The following MMEL1 variants were observed in gnomAD, a reference collection of about 807,000 sequenced individuals.
The protein encoded by MMEL1 is membrane metalloendopeptidase like 1, also known as membrane metallo-endopeptidase-like 1.
In MMEL1, 98 loss-of-function variants were observed where a neutral mutation model predicts 117.1. The observed-to-expected ratio is 0.84, with a 90% CI of 0.71 to 0.99. MMEL1 has a LOEUF of 0.99. Ranked by LOEUF, MMEL1 falls within the 50% of genes least tolerant of loss-of-function variation. The probability of loss-of-function intolerance (pLI) is 0.00; values close to 1 mark genes in which losing one functional copy is unlikely to be tolerated. For missense variants in MMEL1, 1,014 were observed against 1,049.1 expected (o/e 0.97, Z 0.46); for synonymous variants, 390 against 415.1 (o/e 0.94, Z 0.74).
intron 11 of MMEL1, among the ~76,000 whole-genome samples, chr1:2,601,111 T>G (rs576063514): frequency 1.3e-5 from 2 of 152,302 alleles, no homozygotes; most frequent in African/African-American, 4.8e-5. Context: ...GAAGGCAGAT[T>G]TTAAGTTTTA....
At chr1:2,632,744 T>C (rs6698817) in intron 1 of MMEL1, 122 bp downstream of exon 1, 368,350 of 569,116 alleles carry the variant, frequency 0.65, 120,723 homozygotes, top group Middle Eastern at 0.69. Flanking sequence ...CAGGACGCCC[T>C]GCCCAGCCTC....
chr1:2,602,866 AGCT>A (rs576873137), intron 11 of MMEL1, among the ~76,000 whole-genome samples: 2,348 of 152,246 alleles, frequency 0.015, 54 homozygotes, highest in African/African-American at 0.053. Context: ...GTCCTGGCTG[AGCT>A]CATCCTGCCC....
At position 2,592,028 on chromosome 1, in the gene MMEL1, C is replaced by T. The variant is rs907269041; in HGVS notation, c.2068-1G>A. The T allele has an allele frequency of 1.2e-6, 2 of 1,612,288 alleles. No individual in the cohort carries two copies. Among genetic ancestry groups the T allele is most frequent in the African/African-American group, 2.7e-5 (2 of 75,010 alleles). ...CCTCTGCCATCCACTTGAGGTAGGCCTGCAGGCACCAGACAGGAGCTGAGC... is the reference window on the plus strand; with the variant it reads ...CCTCTGCCATCCACTTGAGGTAGGCTTGCAGGCACCAGACAGGAGCTGAGC... On this transcript the variant is annotated splice_acceptor_variant, in intron 21 of 23. Coordinates refer to ENST00000378412, the MANE Select transcript of MMEL1 (RefSeq NM_033467.4). LOFTEE classifies it high-confidence loss of function.
intron 2 of MMEL1, among the ~76,000 whole-genome samples, chr1:2,623,159 C>A (rs1645316280): frequency 6.6e-6 from 1 of 150,884 alleles, no homozygotes; most frequent in Non-Finnish European, 1.5e-5. Flanking sequence ...CAGAGTGACT[C>A]CGTCTAAAAA....
Position 2,590,931 on chromosome 1 carries a change from C to A in MMEL1, c.*59G>T. The A allele has an allele frequency of 7.5e-7, 1 of 1,337,150 alleles. No homozygotes were observed. The highest frequency in any genetic ancestry group is 9.9e-7 in the Non-Finnish European group (1 of 1,013,818). 82.8% of individuals were successfully genotyped at this position (1,337,150 alleles called of 1,614,324 possible). ...ACTGGGTCGCCGCTAGCTGCACCTT[C>A]GCACAGATGCCTCCGAGCAGCGGGT... On this transcript the variant is annotated 3_prime_UTR_variant, in exon 24 of 24. Coordinates refer to ENST00000378412, the MANE Select transcript of MMEL1 (RefSeq NM_033467.4).
chr1:2,621,475 C>T (rs573084365), intron 2 of MMEL1, among the ~76,000 whole-genome samples: 1 of 152,322 alleles, frequency 6.6e-6, no homozygotes, highest in South Asian at 2.1e-4. Flanking sequence ...TAGATAAACT[C>T]TTCCAGCCAA....
chr1:2,613,433 C>A (rs1477660011), intron 2 of MMEL1, among the ~76,000 whole-genome samples: 1 of 152,106 alleles, frequency 6.6e-6, no homozygotes, highest in Non-Finnish European at 1.5e-5. Context: ...CACCTCTGAC[C>A]AAAGTGGTGA....
rs1366192602 is a variant in MMEL1 at position 2,606,860 on chromosome 1, G to A, written c.631+114C>T. ...GTTGGGCCTCTTGGGGCTCCTGAGA[G>A]CAGCCAGCTGGGGGTGGGGGTGGGG... On this transcript the variant is annotated intron_variant, in intron 7 of 23. Coordinates refer to ENST00000378412, the MANE Select transcript of MMEL1 (RefSeq NM_033467.4). The A allele has an allele frequency of 4.1e-6, 4 of 972,678 alleles. No homozygotes were observed. The Admixed American group carries it at 5.7e-5, about 14-fold the overall frequency. 60.3% of individuals were successfully genotyped at this position (972,678 alleles called of 1,614,324 possible). A position where few individuals can be genotyped will look rare whatever the true frequency, so the allele number is the denominator to read the frequency against.
At chr1:2,597,027 G>A (rs1309500559) in intron 13 of MMEL1, among the ~76,000 whole-genome samples, 2 of 152,020 alleles carry the variant, frequency 1.3e-5, no homozygotes, top group African/African-American at 2.4e-5. Flanking sequence ...CAGGGCTGGC[G>A]CTGACCCCAG....
Position 2,624,938 on chromosome 1 carries a change from G to C in MMEL1, c.154+4393C>G, listed in dbSNP as rs1339568911. Among the ~76,000 whole-genome samples the C allele has an allele frequency of 2.6e-5, 4 of 152,204 alleles. No individual in the cohort carries two copies. The South Asian group carries it at 6.2e-4, about 24-fold the overall frequency. ...ACCATGGTGGAGCAGGGGAGAGAGA[G>C]AGCGCGAAGGGGGAGGAGCTGCACA... On this transcript the variant is annotated intron_variant, in intron 2 of 23. Transcript: ENST00000378412.
At position 2,592,096 on chromosome 1, in the gene MMEL1, G is replaced by A. The variant is rs952321094; in HGVS notation, c.2068-69C>T. 1.5e-5 allele frequency: 20 copies of A among 1,325,320 alleles called. No individual in the cohort carries two copies. In the African/African-American group the frequency reaches 2.3e-4, roughly 15 times the overall value. The allele number at this position is 1,325,320 out of a possible 1,614,324, so 82.1% of individuals were successfully genotyped here. A position where few individuals can be genotyped will look rare whatever the true frequency, so the allele number is the denominator to read the frequency against. ...GACTCCAGAACCCTCAGATCTCAGGGCAGAGCAGAGGTCTGGCTCCAGGAC... is the reference window on the plus strand; with the variant it reads ...GACTCCAGAACCCTCAGATCTCAGGACAGAGCAGAGGTCTGGCTCCAGGAC... On this transcript the variant is annotated intron_variant, in intron 21 of 23. Coordinates refer to ENST00000378412, the MANE Select transcript of MMEL1 (RefSeq NM_033467.4).
intron 2 of MMEL1, among the ~76,000 whole-genome samples, chr1:2,614,993 C>G (rs1181929003): frequency 6.6e-6 from 1 of 152,010 alleles, no homozygotes; most frequent in Non-Finnish European, 1.5e-5. Context: ...AGAGTTAGAA[C>G]AATTTGAGCA....
chr1:2,593,117 C>T, intron 19 of MMEL1, 151 bp from the exon 20 acceptor site: 2 of 1,005,394 alleles, frequency 2.0e-6, no homozygotes, highest in Non-Finnish European at 2.9e-6. Context: ...CCTGGAAGAG[C>T]ATCGCGGGCT....
chr1:2,620,326 A>G (rs1228758762), intron 2 of MMEL1, among the ~76,000 whole-genome samples: 1 of 152,202 alleles, frequency 6.6e-6, no homozygotes, highest in Non-Finnish European at 1.5e-5. Flanking sequence ...CATTTAACCA[A>G]TTAAATGATC....
At chr1:2,600,430 G>A (rs1420053540) in intron 11 of MMEL1, among the ~76,000 whole-genome samples, 1 of 151,844 alleles carries the variant, frequency 6.6e-6, no homozygotes, top group Non-Finnish European at 1.5e-5. Flanking sequence ...CAGGTGCGGT[G>A]GCTCATGCCT....
intron 2 of MMEL1, among the ~76,000 whole-genome samples, chr1:2,625,725 T>C (rs1010383102): frequency 2.0e-5 from 3 of 152,288 alleles, no homozygotes; most frequent in Admixed American, 2.0e-4. Flanking sequence ...TTCTGACCCA[T>C]CTAGCCATAA....
In MMEL1 at chr1:2,595,856, G is replaced by C. The variant is rs1644828386; in HGVS notation, c.1500+153C>G. On this transcript the variant is annotated intron_variant, in intron 15 of 23. Transcript: ENST00000378412. This position sits in a 1 kb window ranked among gnomAD's most constrained non-coding sequence, Gnocchi z 4.8. ...GCCTTCTCCCCGTGGGGTCCTGTCTGCGCCTCCCGGGGCTGCCTTCTCCCC... is the reference window on the plus strand; with the variant it reads ...GCCTTCTCCCCGTGGGGTCCTGTCTCCGCCTCCCGGGGCTGCCTTCTCCCC... Among the ~76,000 whole-genome samples the C allele has an allele frequency of 6.6e-6, 1 of 151,724 alleles. No individual in the cohort carries two copies. Among genetic ancestry groups the C allele is most frequent in the African/African-American group, 2.4e-5 (1 of 41,224 alleles).
chr1:2,619,483 C>A (rs1187548695), intron 2 of MMEL1, among the ~76,000 whole-genome samples: 1 of 151,944 alleles, frequency 6.6e-6, no homozygotes, highest in Non-Finnish European at 1.5e-5. Flanking sequence ...CATGGTGAAA[C>A]CCCGTCTCTA....
At chr1:2,608,478 A>G (rs932195997) in intron 6 of MMEL1, among the ~76,000 whole-genome samples, 1 of 152,048 alleles carries the variant, frequency 6.6e-6, no homozygotes, top group African/African-American at 2.4e-5. Context: ...TATGACACAC[A>G]TACAGCACAC....
Sources: gnomAD v4.1 joint callset for allele counts (sites outside exome capture counted in the v4.1 genomes callset) on GRCh38, gnomAD v4.1.1 for gene constraint, Gnocchi (gnomAD v3.1) non-coding constraint, MANE v1.5 for transcripts, NCBI Gene and HGNC (gene_info 2026-07-23, HGNC 2026-07-21) for gene names.